ARSG: variants seen among roughly 807,000 people sequenced by gnomAD.
The protein encoded by ARSG is arylsulfatase G.
In ARSG, 37 loss-of-function variants were observed where a neutral mutation model predicts 50.5. The ratio of observed to expected loss-of-function variants is 0.73; its 90% confidence interval spans 0.56 to 0.96. The LOEUF (loss-of-function observed/expected upper bound fraction) is 0.96. Ranked by LOEUF, ARSG falls within the 50% of genes least tolerant of loss-of-function variation. The pLI is 0.00. For missense variants in ARSG, 629 were observed against 675.3 expected (o/e 0.93, Z 0.76); for synonymous variants, 225 against 254.6 (o/e 0.88, Z 1.11).
intron 5 of ARSG, among the ~76,000 whole-genome samples, chr17:68,355,416 T>C (rs2078985882): frequency 2.0e-5 from 3 of 152,332 alleles, no homozygotes; most frequent in Admixed American, 1.3e-4. Context: ...TGTAGTACAA[T>C]GGCGCAATCT....
intron 2 of ARSG, among the ~76,000 whole-genome samples, chr17:68,340,212 A>C (rs1333708087): frequency 6.6e-6 from 1 of 151,956 alleles, no homozygotes; most frequent in African/African-American, 2.4e-5. Context: ...TGGTAAATGA[A>C]TTTTTCTGAG....
the ARSG span, among the ~76,000 whole-genome samples, chr17:68,446,319 T>C: frequency 2.0e-5 from 3 of 152,062 alleles, no homozygotes; most frequent in Admixed American, 6.6e-5. Flanking sequence ...TGGCAGGGAC[T>C]ACAGGTGTGC....
chr17:68,434,473 C>G, the ARSG span: 5 of 1,459,744 alleles, frequency 3.4e-6, no homozygotes, highest in Non-Finnish European at 4.7e-6. Flanking sequence ...GAGCCACTCT[C>G]TGTCCTCTCC....
chr17:68,308,507 C>T (rs1174831025), intron 2 of ARSG, among the ~76,000 whole-genome samples: 3 of 152,118 alleles, frequency 2.0e-5, no homozygotes, highest in African/African-American at 7.2e-5. Context: ...AGCTGCAGAC[C>T]TTCATGGTGA....
chr17:68,445,692 G>A, the ARSG span, among the ~76,000 whole-genome samples: 3 of 152,246 alleles, frequency 2.0e-5, no homozygotes, highest in Non-Finnish European at 4.4e-5. Context: ...CAGGGTTGAT[G>A]TATCGGGTGT....
chr17:68,370,175 C>T lies in ARSG; in HGVS notation c.902-269C>T, dbSNP rs925416480. Among the ~76,000 whole-genome samples the T allele has an allele frequency of 3.3e-5, 5 of 151,956 alleles. No homozygotes were observed. In the East Asian group the frequency reaches 5.8e-4, roughly 18 times the overall value. ...GATTATAGGTGCCCACCACCATGCC[C>T]GGCTAATTTTTGTATTTTTAGTAGA... On this transcript the variant is annotated intron_variant, in intron 7 of 11. Transcript: ENST00000621439.
chr17:68,371,845 T>C (rs1319672796), intron 8 of ARSG, among the ~76,000 whole-genome samples: 1 of 152,164 alleles, frequency 6.6e-6, no homozygotes, highest in Non-Finnish European at 1.5e-5. Context: ...AACATTTACA[T>C]GAAATATTTT....
At chr17:68,347,099 A>G (rs762233336) in intron 3 of ARSG, 26 bp from the exon 4 acceptor site, 1 of 1,613,324 alleles carries the variant, frequency 6.2e-7, no homozygotes, top group Admixed American at 1.7e-5. Flanking sequence ...GATTCCTCTG[A>G]AAATCTCTCT....
At chr17:68,373,270 C>G (rs1367609233) in intron 8 of ARSG, among the ~76,000 whole-genome samples, 2 of 150,460 alleles carry the variant, frequency 1.3e-5, no homozygotes, top group Non-Finnish European at 3.0e-5. Context: ...ACTCTTGTTC[C>G]CTGGGCTGGA....
chr17:68,319,011 G>A (rs1289909054), intron 2 of ARSG, among the ~76,000 whole-genome samples: 1 of 152,190 alleles, frequency 6.6e-6, no homozygotes, highest in Non-Finnish European at 1.5e-5. Flanking sequence ...TGGGGATTTG[G>A]CAGTAACCTA....
intron 2 of ARSG, among the ~76,000 whole-genome samples, chr17:68,315,196 G>C (rs1228801794): frequency 6.6e-6 from 1 of 152,130 alleles, no homozygotes; most frequent in African/African-American, 2.4e-5. Context: ...CAGAACTGGG[G>C]AATCAGCAAA....
the ARSG span, among the ~76,000 whole-genome samples, chr17:68,449,495 C>A: frequency 1.4e-4 from 22 of 152,142 alleles, no homozygotes; most frequent in Non-Finnish European, 4.4e-5. Flanking sequence ...AATCTCATGT[C>A]GAATTGTAAT....
intron 11 of ARSG, among the ~76,000 whole-genome samples, chr17:68,401,968 C>T (rs1230226966): frequency 1.3e-5 from 2 of 152,152 alleles, no homozygotes; most frequent in Non-Finnish European, 2.9e-5. Context: ...TGGCTTCTTG[C>T]TGCCAATTGA....
the ARSG span, chr17:68,444,573 A>G: frequency 6.2e-7 from 1 of 1,613,834 alleles, no homozygotes; most frequent in East Asian, 2.2e-5. Context: ...GGACTCTTCT[A>G]GGCAAACCAG....
chr17:68,347,397 C>T (rs746923831), intron 4 of ARSG, among the ~76,000 whole-genome samples: 3 of 152,128 alleles, frequency 2.0e-5, no homozygotes, highest in Non-Finnish European at 2.9e-5. Context: ...GCCTGTTTGC[C>T]CTTCCAACTG....
At chr17:68,402,734 C>T (rs1176583134) in intron 11 of ARSG, among the ~76,000 whole-genome samples, 3 of 151,280 alleles carry the variant, frequency 2.0e-5, no homozygotes, top group African/African-American at 7.3e-5. Context: ...ACCGTGTTAG[C>T]CAGGATGGTC....
chr17:68,394,936 C>G, intron 9 of ARSG, 137 bp from the exon 10 acceptor site: 3 of 1,217,722 alleles, frequency 2.5e-6, no homozygotes, highest in Non-Finnish European at 3.4e-6. Context: ...GAAAAACAAG[C>G]AGGTAGAGAA....
the ARSG span, among the ~76,000 whole-genome samples, chr17:68,430,800 C>T: frequency 6.6e-6 from 1 of 152,196 alleles, no homozygotes; most frequent in South Asian, 2.1e-4. Context: ...CTCTGCCCCA[C>T]ACAGAGGGTG....
the ARSG span, among the ~76,000 whole-genome samples, chr17:68,439,554 G>A: frequency 6.6e-6 from 1 of 152,176 alleles, no homozygotes; most frequent in Non-Finnish European, 1.5e-5. Context: ...TGTGGTGATG[G>A]TTACACAATT....
Sources: gnomAD v4.1 joint callset for allele counts (sites outside exome capture counted in the v4.1 genomes callset) on GRCh38, gnomAD v4.1.1 for gene constraint, MANE v1.5 for transcripts, NCBI Gene and HGNC (gene_info 2026-07-23, HGNC 2026-07-21) for gene names.